Variants in NKAIN2 observed in about 807,000 individuals in gnomAD.
The protein encoded by NKAIN2 is sodium/potassium-transporting ATPase subunit beta-1-interacting protein 2.
Under a neutral mutation model 32.6 loss-of-function variants are expected in NKAIN2, and 14 were observed. The observed-to-expected ratio is 0.43, with a 90% CI of 0.28 to 0.67. The LOEUF (loss-of-function observed/expected upper bound fraction) is 0.67, where lower values mean the gene tolerates loss of function less well. Among genes scored for constraint, NKAIN2 ranks in the 30% least tolerant of loss-of-function variants. The pLI is 0.17. For synonymous variants in NKAIN2, 80 were observed against 87.2 expected (o/e 0.92, Z 0.46); for missense variants, 198 against 258.3 (o/e 0.77, Z 1.60).
intron 1 of NKAIN2, among the ~76,000 whole-genome samples, chr6:124,084,170 A>C (rs1036325949): frequency 6.6e-6 from 1 of 151,968 alleles, no homozygotes; most frequent in African/African-American, 2.4e-5. Flanking sequence ...GATTATGGAA[A>C]TGAATTCCCT....
intron 1 of NKAIN2, among the ~76,000 whole-genome samples, chr6:124,142,039 C>A (rs571847162): frequency 6.6e-6 from 1 of 152,176 alleles, no homozygotes. Flanking sequence ...ATCTGTGAGA[C>A]TTGTAACATC....
chr6:123,943,745 C>T (rs999898618), intron 1 of NKAIN2, among the ~76,000 whole-genome samples: 2 of 152,030 alleles, frequency 1.3e-5, no homozygotes, highest in African/African-American at 4.8e-5. Context: ...TATACTCAAC[C>T]TCCTTGGGTA....
At chr6:124,366,975 C>G (rs993273035) in intron 3 of NKAIN2, among the ~76,000 whole-genome samples, 1 of 151,542 alleles carries the variant, frequency 6.6e-6, no homozygotes, top group Admixed American at 6.6e-5. Context: ...CTGAATAACT[C>G]TCCATAAATT....
intron 1 of NKAIN2, among the ~76,000 whole-genome samples, chr6:123,927,949 T>C (rs1776078334): frequency 6.6e-6 from 1 of 152,122 alleles, no homozygotes; most frequent in Admixed American, 6.5e-5. Flanking sequence ...CATTGATTAT[T>C]AATAAAGAAC....
At chr6:124,458,707 T>G (rs1216374237) in intron 3 of NKAIN2, among the ~76,000 whole-genome samples, 4 of 151,864 alleles carry the variant, frequency 2.6e-5, no homozygotes, top group Non-Finnish European at 5.9e-5. Flanking sequence ...GGCGATCTTC[T>G]AATACTATAT....
At chr6:124,260,601 G>C (rs1464506984) in intron 1 of NKAIN2, among the ~76,000 whole-genome samples, 1 of 152,004 alleles carries the variant, frequency 6.6e-6, no homozygotes, top group Non-Finnish European at 1.5e-5. Context: ...AGAAGGGGGT[G>C]GTGAGACAAA....
At chr6:124,265,236 A>G (rs1009350493) in intron 1 of NKAIN2, among the ~76,000 whole-genome samples, 13 of 152,162 alleles carry the variant, frequency 8.5e-5, no homozygotes, top group East Asian at 1.9e-4. Flanking sequence ...CATCATGTCT[A>G]TGTATTTATT....
At chr6:123,907,791 T>A (rs1395952084) in intron 1 of NKAIN2, among the ~76,000 whole-genome samples, 1 of 152,150 alleles carries the variant, frequency 6.6e-6, no homozygotes, top group African/African-American at 2.4e-5. Flanking sequence ...CTTTCCCCCC[T>A]TCATCTTCAC....
intron 1 of NKAIN2, among the ~76,000 whole-genome samples, chr6:124,118,736 T>C (rs1037436041): frequency 6.6e-6 from 1 of 152,186 alleles, no homozygotes; most frequent in African/African-American, 2.4e-5. Flanking sequence ...TTGTGTCATT[T>C]TGTTACTGGG....
At chr6:124,027,697 T>G (rs1781177276) in intron 1 of NKAIN2, among the ~76,000 whole-genome samples, 1 of 149,712 alleles carries the variant, frequency 6.7e-6, no homozygotes, top group Admixed American at 6.7e-5. Flanking sequence ...TCACCTCAAC[T>G]GAATCAACTG....
chr6:124,254,455 A>G (rs545844676), intron 1 of NKAIN2, among the ~76,000 whole-genome samples: 1 of 152,270 alleles, frequency 6.6e-6, no homozygotes, highest in East Asian at 1.9e-4. Flanking sequence ...GAGGCACTAG[A>G]GAGTGTAATA....
intron 1 of NKAIN2, among the ~76,000 whole-genome samples, chr6:124,228,767 T>G (rs1013088357): frequency 6.6e-6 from 1 of 152,190 alleles, no homozygotes; most frequent in Non-Finnish European, 1.5e-5. Flanking sequence ...TCTGTTTCAA[T>G]GAAGTCAATT....
At chr6:124,524,614 G>T (rs995121236) in intron 3 of NKAIN2, among the ~76,000 whole-genome samples, 6 of 152,092 alleles carry the variant, frequency 3.9e-5, no homozygotes, top group Non-Finnish European at 7.4e-5. Context: ...GGCATATGTT[G>T]TTAGCCCCTT....
intron 3 of NKAIN2, among the ~76,000 whole-genome samples, chr6:124,402,029 A>G (rs1773646715): frequency 6.6e-6 from 1 of 152,178 alleles, no homozygotes; most frequent in Non-Finnish European, 1.5e-5. Context: ...CTATCTTACA[A>G]ATCTTTCCAG....
chr6:123,860,611 A>G (rs1775749297), intron 1 of NKAIN2, among the ~76,000 whole-genome samples: 1 of 152,084 alleles, frequency 6.6e-6, no homozygotes, highest in African/African-American at 2.4e-5. Flanking sequence ...TGATTTCACC[A>G]TGTTGCCCAG....
At chr6:124,634,340 CAATT>C (rs1338728550) in intron 3 of NKAIN2, among the ~76,000 whole-genome samples, 7 of 151,954 alleles carry the variant, frequency 4.6e-5, no homozygotes, top group Non-Finnish European at 4.4e-5. Flanking sequence ...CACTGATAGA[CAATT>C]AAACAAAATT....
intron 3 of NKAIN2, among the ~76,000 whole-genome samples, chr6:124,561,177 G>A (rs955985531): frequency 5.3e-5 from 8 of 152,196 alleles, no homozygotes; most frequent in Non-Finnish European, 1.2e-4. Flanking sequence ...CACTGTAGGA[G>A]ACCTTAGGAT....
At chr6:124,729,329 A>G (rs1469500370) in intron 4 of NKAIN2, among the ~76,000 whole-genome samples, 2 of 150,386 alleles carry the variant, frequency 1.3e-5, no homozygotes, top group Non-Finnish European at 3.0e-5. Flanking sequence ...GGCAAACCGA[A>G]TCCAGCAGCA....
At chr6:124,493,717 C>CAAA (rs71021496) in intron 3 of NKAIN2, among the ~76,000 whole-genome samples, 3 of 85,838 alleles carry the variant, frequency 3.5e-5, no homozygotes, top group Admixed American at 1.4e-4. Flanking sequence ...CCCCCCCCTC[C>CAAA]AAAAAAAAAA....
Sources: gnomAD v4.1 joint callset for allele counts (sites outside exome capture counted in the v4.1 genomes callset) on GRCh38, gnomAD v4.1.1 for gene constraint, MANE v1.5 for transcripts, NCBI Gene and HGNC (gene_info 2026-07-23, HGNC 2026-07-21) for gene names.